The following CCSER1 variants were observed in gnomAD, a reference collection of about 807,000 sequenced individuals.
The protein encoded by CCSER1 is coiled-coil serine rich protein 1, also known as serine-rich coiled-coil domain-containing protein 1.
A neutral mutation model predicts 82.0 loss-of-function variants in CCSER1; 41 were observed. The observed-to-expected ratio is 0.50, with a 90% CI of 0.39 to 0.65. CCSER1 has a LOEUF of 0.65. Among genes scored for constraint, CCSER1 ranks in the 30% least tolerant of loss-of-function variants. The pLI, the probability that CCSER1 is intolerant of heterozygous loss-of-function variation, is 0.00. For missense variants in CCSER1, 1,119 were observed against 1,064.2 expected, an observed-to-expected ratio of 1.05 and a Z score of -0.72; for synonymous variants, 414 against 383.9, an observed-to-expected ratio of 1.08 and a Z score of -0.92.
intron 5 of CCSER1, among the ~76,000 whole-genome samples, chr4:90,559,671 G>T (rs10004091): frequency 6.6e-6 from 1 of 151,452 alleles, no homozygotes; most frequent in Non-Finnish European, 1.5e-5. Context: ...AAATACAAAA[G>T]AAATAGCCGG....
At chr4:90,951,968 T>G in intron 9 of CCSER1, among the ~76,000 whole-genome samples, 1 of 151,958 alleles carries the variant, frequency 6.6e-6, no homozygotes, top group East Asian at 1.9e-4. Flanking sequence ...ACACCTTGCT[T>G]TTCTCCCTTT....
intron 5 of CCSER1, among the ~76,000 whole-genome samples, chr4:90,541,602 C>A (rs1776124177): frequency 6.6e-6 from 1 of 152,052 alleles, no homozygotes; most frequent in Non-Finnish European, 1.5e-5. Context: ...AGGAAGTCTT[C>A]TTTATATGTT....
chr4:90,876,930 C>A (rs954365187), intron 8 of CCSER1, among the ~76,000 whole-genome samples: 1 of 152,116 alleles, frequency 6.6e-6, no homozygotes, highest in Admixed American at 6.5e-5. Context: ...ATATAAATTT[C>A]TTTGTTTCAT....
At chr4:90,369,158 G>A (rs922101214) in intron 3 of CCSER1, among the ~76,000 whole-genome samples, 1 of 151,278 alleles carries the variant, frequency 6.6e-6, no homozygotes, top group Non-Finnish European at 1.5e-5. Flanking sequence ...AGGAAGGAAG[G>A]AGAGGAGGAG....
chr4:90,671,404 A>G (rs1732780964), intron 6 of CCSER1, among the ~76,000 whole-genome samples: 2 of 152,064 alleles, frequency 1.3e-5, no homozygotes, highest in Non-Finnish European at 2.9e-5. Context: ...TTGTCCTTTC[A>G]ACAGTGTTCA....
At chr4:90,526,300 G>A (rs1251342126) in intron 5 of CCSER1, among the ~76,000 whole-genome samples, 2 of 151,908 alleles carry the variant, frequency 1.3e-5, no homozygotes, top group Admixed American at 1.3e-4. Flanking sequence ...CCAAGTTTTC[G>A]AATCATAACT....
chr4:91,065,389 TATA>T (rs1252315575), intron 9 of CCSER1, among the ~76,000 whole-genome samples: 2 of 152,172 alleles, frequency 1.3e-5, no homozygotes, highest in Admixed American at 1.3e-4. Flanking sequence ...GTATAATTAA[TATA>T]ATGGTAAAAG....
intron 10 of CCSER1, among the ~76,000 whole-genome samples, chr4:91,381,417 C>T (rs986149679): frequency 7.2e-5 from 11 of 152,128 alleles, no homozygotes; most frequent in African/African-American, 2.4e-4. Flanking sequence ...TTCACATAGT[C>T]CCATATTTCT....
intron 3 of CCSER1, among the ~76,000 whole-genome samples, chr4:90,377,915 A>G (rs978857639): frequency 2.6e-5 from 4 of 152,144 alleles, no homozygotes; most frequent in Admixed American, 6.5e-5. Context: ...GGGGCAAATT[A>G]TAGAAATAGT....
intron 10 of CCSER1, among the ~76,000 whole-genome samples, chr4:91,159,495 A>T (rs1256098076): frequency 6.6e-6 from 1 of 151,984 alleles, no homozygotes; most frequent in African/African-American, 2.4e-5. Flanking sequence ...TCCTTTTAAG[A>T]TAAATTTGGA....
intron 7 of CCSER1, among the ~76,000 whole-genome samples, chr4:90,731,053 C>G (rs545659208): frequency 6.6e-6 from 1 of 151,082 alleles, no homozygotes; most frequent in South Asian, 2.1e-4. Flanking sequence ...TGAGTCAAGG[C>G]TCCTATAGTT....
At chr4:90,747,464 G>A (rs1020410179) in intron 7 of CCSER1, among the ~76,000 whole-genome samples, 11 of 151,978 alleles carry the variant, frequency 7.2e-5, no homozygotes, top group Non-Finnish European at 1.5e-4. Context: ...GATAAACTGC[G>A]GAGCTAGGCT....
intron 5 of CCSER1, among the ~76,000 whole-genome samples, chr4:90,565,167 G>T (rs1363351661): frequency 2.0e-5 from 3 of 151,216 alleles, no homozygotes; most frequent in Admixed American, 6.6e-5. Flanking sequence ...GAACATGTGA[G>T]ATCTTTTCAT....
intron 8 of CCSER1, among the ~76,000 whole-genome samples, chr4:90,904,885 C>T (rs762499867): frequency 6.6e-6 from 1 of 152,048 alleles, no homozygotes; most frequent in Non-Finnish European, 1.5e-5. Flanking sequence ...CCCTTATTTT[C>T]AGTTCATCCT....
chr4:91,454,259 T>C (rs1351504650), intron 10 of CCSER1, among the ~76,000 whole-genome samples: 1 of 152,072 alleles, frequency 6.6e-6, no homozygotes, highest in Non-Finnish European at 1.5e-5. Context: ...GCAGGGCTGG[T>C]CGCCCTACAA....
chr4:91,421,250 A>T (rs572206829), intron 10 of CCSER1, among the ~76,000 whole-genome samples: 6 of 152,312 alleles, frequency 3.9e-5, no homozygotes, highest in African/African-American at 1.4e-4. Flanking sequence ...GTTATGGAGG[A>T]TGAAAAGTCT....
chr4:90,781,735 T>C (rs1580440059), intron 7 of CCSER1: 1 of 969,120 alleles, frequency 1.0e-6, no homozygotes. Flanking sequence ...TAGCCATTGT[T>C]TGCAAGTATG....
chr4:90,495,162 G>T (rs1768793757), intron 5 of CCSER1, among the ~76,000 whole-genome samples: 1 of 152,064 alleles, frequency 6.6e-6, no homozygotes, highest in Admixed American at 6.6e-5. Context: ...CTAATGTGGT[G>T]TTCAACCCTC....
At chr4:90,870,387 G>A (rs925400959) in intron 8 of CCSER1, among the ~76,000 whole-genome samples, 4 of 151,558 alleles carry the variant, frequency 2.6e-5, no homozygotes, top group African/African-American at 7.3e-5. Context: ...GTTTTTTTAG[G>A]ACTTTTTAAT....
Sources: allele counts gnomAD v4.1 joint callset (sites outside exome capture counted in the v4.1 genomes callset), GRCh38; gene constraint gnomAD v4.1.1; transcripts MANE v1.5; gene names NCBI Gene and HGNC (gene_info 2026-07-23, HGNC 2026-07-21).